The following CTNNBL1 variants were observed in gnomAD, a reference collection of about 807,000 sequenced individuals.
CTNNBL1 encodes the protein beta-catenin-like protein 1.
Under a neutral mutation model 72.7 loss-of-function variants are expected in CTNNBL1, and 31 were observed. The observed-to-expected ratio is 0.43, with a 90% CI of 0.32 to 0.58. The LOEUF is 0.58. Among genes scored for constraint, CTNNBL1 ranks in the 20% least tolerant of loss-of-function variants. CTNNBL1 has a pLI of 0.08. For missense variants in CTNNBL1, 534 were observed against 725.1 expected (o/e 0.74, Z 3.03); for synonymous variants, 240 against 267.3 (o/e 0.90, Z 1.00).
intron 3 of CTNNBL1, among the ~76,000 whole-genome samples, chr20:37,739,473 A>G (rs1319619621): frequency 6.6e-6 from 1 of 152,142 alleles, no homozygotes; most frequent in Non-Finnish European, 1.5e-5. Flanking sequence ...CTTTTATGAA[A>G]AATGCTATAG....
At position 37,854,786 on chromosome 20, in the gene CTNNBL1, G is replaced by A. The variant is rs1018070675; in HGVS notation, c.1393-5113G>A. ...GAATTTTTAGTAGAAACAGGGTTTCGCCATGATGGCCAGGCTGCTGTCAAA... is the reference window on the plus strand; with the variant it reads ...GAATTTTTAGTAGAAACAGGGTTTCACCATGATGGCCAGGCTGCTGTCAAA... On this transcript the variant is annotated intron_variant, in intron 13 of 15. Transcript: ENST00000361383. 3.3e-5 allele frequency among the ~76,000 whole-genome samples: 5 copies of A among 151,790 alleles called. No individual in the cohort carries two copies. The South Asian group carries it at 8.3e-4, about 25-fold the overall frequency.
In CTNNBL1 at chr20:37,826,128, C is replaced by T. The variant is rs560133068; in HGVS notation, c.1214-13974C>T. 1.1e-4 allele frequency among the ~76,000 whole-genome samples: 16 copies of T among 152,334 alleles called. No homozygotes were observed. In the South Asian group the frequency reaches 3.3e-3, roughly 32 times the overall value. ...TGAAAGGTGATGTCAGATGCCACAT[C>T]ATTCCGGTCTGTTCCCTCTGCATTC... On this transcript the variant is annotated intron_variant, in intron 11 of 15. Transcript: ENST00000361383.
chr20:37,857,833 C>T (rs1319866218), intron 13 of CTNNBL1, among the ~76,000 whole-genome samples: 1 of 152,284 alleles, frequency 6.6e-6, no homozygotes, highest in East Asian at 1.9e-4. Flanking sequence ...TTCTTAGGCC[C>T]ATGGGCTAGT....
Position 37,694,104 on chromosome 20 carries a change from A to T in CTNNBL1, c.-19A>T. 1 of 1,603,666 alleles carries T rather than the reference A, an allele frequency of 6.2e-7. No homozygotes were observed. Among genetic ancestry groups the T allele is most frequent in the Admixed American group, 1.7e-5 (1 of 59,072 alleles). On this transcript the variant is annotated 5_prime_UTR_variant, in exon 1 of 16. Transcript: ENST00000361383. Reference sequence around the variant, plus strand: ...GGGCGTGAGTGCAGGGAAGTGGAGTATTTGCTGGGCCGGGTACCATGGACG... The same window carrying T: ...GGGCGTGAGTGCAGGGAAGTGGAGTTTTTGCTGGGCCGGGTACCATGGACG...
Position 37,777,436 on chromosome 20 carries a change from A to G in CTNNBL1, c.823+19A>G, listed in dbSNP as rs2122688260. The G allele has an allele frequency of 1.9e-6, 3 of 1,610,342 alleles. No homozygotes were observed. Among genetic ancestry groups the G allele is most frequent in the Non-Finnish European group, 1.7e-6 (2 of 1,176,604 alleles). On this transcript the variant is annotated intron_variant, in intron 8 of 15. Transcript: ENST00000361383. ...AATGATGGTGAGGCGCCCTCTCAGT[A>G]TTGATATTCTGTTAGGATAGGAGCC...
intron 11 of CTNNBL1, among the ~76,000 whole-genome samples, chr20:37,821,962 C>T (rs2072111957): frequency 6.6e-6 from 1 of 151,594 alleles, no homozygotes; most frequent in Admixed American, 6.6e-5. Flanking sequence ...CAACTGAGAA[C>T]CACTGTCATA....
intron 10 of CTNNBL1, among the ~76,000 whole-genome samples, chr20:37,795,052 C>T (rs917368800): frequency 1.3e-4 from 20 of 151,160 alleles, no homozygotes; most frequent in African/African-American, 4.6e-4. Context: ...GTTTTTTTCA[C>T]GTCTCTGGTG....
chr20:37,717,590 G>A (rs1196598650), intron 1 of CTNNBL1, among the ~76,000 whole-genome samples: 1 of 151,972 alleles, frequency 6.6e-6, no homozygotes, highest in African/African-American at 2.4e-5. Flanking sequence ...CAAGTGATAT[G>A]AGGCAGGAAT....
chr20:37,701,799 G>A (rs1263552297), intron 1 of CTNNBL1, among the ~76,000 whole-genome samples: 3 of 152,040 alleles, frequency 2.0e-5, no homozygotes, highest in Non-Finnish European at 4.4e-5. Flanking sequence ...GATGTGTGGC[G>A]TAATACATCG....
intron 11 of CTNNBL1, among the ~76,000 whole-genome samples, chr20:37,804,339 C>G (rs2071933398): frequency 6.6e-6 from 1 of 152,088 alleles, no homozygotes; most frequent in African/African-American, 2.4e-5. Flanking sequence ...CTGCCACTTT[C>G]CTGGCCCGGC....
chr20:37,777,798 T>C, intron 9 of CTNNBL1, 86 bp downstream of exon 9: 1 of 1,371,774 alleles, frequency 7.3e-7, no homozygotes, highest in Non-Finnish European at 1.0e-6. Context: ...TGGGAAGGAA[T>C]AAGCCATGTG....
chr20:37,845,799 C>G (rs552319749), intron 13 of CTNNBL1, among the ~76,000 whole-genome samples: 1 of 152,310 alleles, frequency 6.6e-6, no homozygotes, highest in East Asian at 1.9e-4. Flanking sequence ...GCTTATTTTT[C>G]AGGCATTTTG....
intron 13 of CTNNBL1, among the ~76,000 whole-genome samples, chr20:37,845,424 C>T (rs2235467): frequency 0.31 from 47,915 of 152,114 alleles, 8,395 homozygotes; most frequent in South Asian, 0.43. Context: ...CCACGGGCAC[C>T]AAGGCCGTGC....
intron 10 of CTNNBL1, among the ~76,000 whole-genome samples, chr20:37,787,356 T>TG (rs987939344): frequency 2.0e-5 from 3 of 149,284 alleles, no homozygotes; most frequent in African/African-American, 7.4e-5. Context: ...TTTTTTTTTT[T>TG]TTTTTTGAGA....
rs533295375 is a variant in CTNNBL1, at chr20:37,834,738, C to T, written c.1214-5364C>T. Reference sequence around the variant, plus strand: ...CTACTCAAGCACATGACCTTAAGTCCGTTAATCTCACCGAGCCATGGGTTC... The same window carrying T: ...CTACTCAAGCACATGACCTTAAGTCTGTTAATCTCACCGAGCCATGGGTTC... On this transcript the variant is annotated intron_variant, in intron 11 of 15. Transcript: ENST00000361383. 5.3e-5 allele frequency among the ~76,000 whole-genome samples: 8 copies of T among 152,226 alleles called. 1 individual carries two copies. The highest frequency in any genetic ancestry group is 2.1e-4 in the South Asian group (1 of 4,812).
At chr20:37,802,816 C>A in intron 10 of CTNNBL1, 51 bp from the exon 11 acceptor site, 5 of 1,374,278 alleles carry the variant, frequency 3.6e-6, no homozygotes, top group South Asian at 2.9e-5. Flanking sequence ...TTTTTTTAAG[C>A]TCTATAATTT....
chr20:37,758,345 C>T (rs1257376818), intron 5 of CTNNBL1, among the ~76,000 whole-genome samples: 1 of 152,244 alleles, frequency 6.6e-6, no homozygotes, highest in Non-Finnish European at 1.5e-5. Flanking sequence ...TATTGATCCA[C>T]ACAGCAGCTA....
In CTNNBL1 at chr20:37,765,252, C is replaced by G. The variant is rs1321531666; in HGVS notation, c.620C>G (p.Ser207Cys). Residue 207 changes from serine (S) to cysteine (C), a missense_variant, in exon 6 of 16, where the codon TCT (serine) becomes TGT (cysteine). Ser to Cys is a moderately radical substitution (Grantham distance 112). Transcript: ENST00000361383. ...LVQNLERLDE[S>C]VKEEADGVHN... Reference sequence around the variant, plus strand: ...CAGAATCTGGAGCGCCTGGATGAGTCTGTGAAAGAGGAGGCAGATGGCGTC... The same window carrying G: ...CAGAATCTGGAGCGCCTGGATGAGTGTGTGAAAGAGGAGGCAGATGGCGTC... 1.0e-5 allele frequency: 16 copies of G among 1,551,444 alleles called. No individual in the cohort carries two copies. Among genetic ancestry groups the G allele is most frequent in the Non-Finnish European group, 1.4e-5 (16 of 1,146,808 alleles).
chr20:37,767,281 G>A (rs141538740), intron 6 of CTNNBL1, among the ~76,000 whole-genome samples: 12 of 151,736 alleles, frequency 7.9e-5, no homozygotes, highest in East Asian at 1.9e-4. Flanking sequence ...CTCCTTTTTC[G>A]TATCATAGTC....
Sources: gnomAD v4.1 joint callset for allele counts (sites outside exome capture counted in the v4.1 genomes callset) on GRCh38, gnomAD v4.1.1 for gene constraint, MANE v1.5 for transcripts, NCBI Gene and HGNC (gene_info 2026-07-23, HGNC 2026-07-21) for gene names.